Variants in OR52E5 observed in about 807,000 individuals in gnomAD.
The protein encoded by OR52E5 is olfactory receptor family 52 subfamily E member 5, also known as olfactory receptor 52E5.
At chr11:5,899,519 G>A (rs550820444) in intron 2 of OR52E5, among the ~76,000 whole-genome samples, 1 of 152,294 alleles carries the variant, frequency 6.6e-6, no homozygotes, top group East Asian at 1.9e-4. Flanking sequence ...CATAGGGATA[G>A]TTTTTCTTTA....
intron 2 of OR52E5, among the ~76,000 whole-genome samples, chr11:5,896,682 C>A (rs1197915480): frequency 1.3e-5 from 2 of 152,086 alleles, no homozygotes; most frequent in African/African-American, 4.8e-5. Context: ...AGTAATCACA[C>A]CACATGTCTA....
chr11:5,895,572 T>A (rs979345523), intron 1 of OR52E5, 60 bp from the exon 2 acceptor site: 1 of 152,226 alleles, frequency 6.6e-6, no homozygotes, highest in Non-Finnish European at 1.5e-5. Context: ...TTTTTTAATC[T>A]TTGTAAATAG....
At chr11:5,897,545 G>T (rs1847192273) in intron 2 of OR52E5, among the ~76,000 whole-genome samples, 1 of 152,184 alleles carries the variant, frequency 6.6e-6, no homozygotes, top group Admixed American at 6.5e-5. Flanking sequence ...GGACACTTAG[G>T]TTGATTTCAT....
chr11:5,893,336 TG>T (rs1847130281), intron 1 of OR52E5, 66 bp downstream of exon 1: 1 of 152,116 alleles, frequency 6.6e-6, no homozygotes, highest in Non-Finnish European at 1.5e-5. Flanking sequence ...AAGTGATTTG[TG>T]GGATGATGGA....
intron 2 of OR52E5, among the ~76,000 whole-genome samples, chr11:5,898,790 C>T (rs1049682727): frequency 6.6e-6 from 1 of 152,104 alleles, no homozygotes. Context: ...TTCTGTTCCA[C>T]TGATTTTTGT....
At position 5,901,080 on chromosome 11, in the gene OR52E5, C is replaced by A. The variant is rs78910405; in HGVS notation, c.304C>A (p.Gln102Lys). 1.6e-3 allele frequency: 659 copies of A among 401,666 alleles called. 2 individuals carry two copies. Among genetic ancestry groups the A allele is most frequent in the African/African-American group, 0.012 (605 of 48,836 alleles). The allele number at this position is 401,666 out of a possible 1,614,324, so 24.9% of individuals were successfully genotyped here. ...GEIAFGACIT[Q>K]MYTIHICTGL... Reference sequence around the variant, plus strand: ...GATTGCATTTGGTGCCTGCATCACACAGATGTATACCATTCATATATGCAC... The same window carrying A: ...GATTGCATTTGGTGCCTGCATCACAAAGATGTATACCATTCATATATGCAC... Residue 102 changes from glutamine (Q) to lysine (K), a missense_variant, in exon 3 of 3, where the codon CAG becomes AAG. Physicochemically the swap from Gln to Lys is moderately conservative, Grantham distance 53. Coordinates refer to ENST00000610445, the MANE Select transcript of OR52E5 (RefSeq NM_001005166.5).
chr11:5,898,955 GTT>G (rs1847213272), intron 2 of OR52E5, among the ~76,000 whole-genome samples: 1 of 152,064 alleles, frequency 6.6e-6, no homozygotes, highest in Non-Finnish European at 1.5e-5. Context: ...TTTTAGAATA[GTT>G]TTTTCTAATT....
At chr11:5,900,577 C>A in intron 2 of OR52E5, 55 bp from the exon 3 acceptor site, 1 of 384,246 alleles carries the variant, frequency 2.6e-6, no homozygotes, top group Middle Eastern at 6.7e-4. Context: ...GTAAGTGAGG[C>A]AAATATTTAA....
At chr11:5,897,030 G>A (rs1236751532) in intron 2 of OR52E5, among the ~76,000 whole-genome samples, 1 of 152,214 alleles carries the variant, frequency 6.6e-6, no homozygotes, top group African/African-American at 2.4e-5. Context: ...TGACAGATCG[G>A]ATGCTGGGGC....
chr11:5,896,679 ACAC>A (rs1314428884), intron 2 of OR52E5, among the ~76,000 whole-genome samples: 2 of 152,178 alleles, frequency 1.3e-5, no homozygotes, highest in East Asian at 3.8e-4. Flanking sequence ...GAAAGTAATC[ACAC>A]CACATGTCTA....
rs956430775 is a variant in OR52E5 at position 5,901,617 on chromosome 11, G to GT, written c.846dup (p.Pro283SerfsTer5). ...CATTCTTCTGGCCAATCTGTATGTG[G>GT]TTTTTCCCCCTGCTCTTAACTCTGT... is the stretch of plus-strand genomic sequence containing the variant. On this transcript the variant is annotated frameshift_variant, in exon 3 of 3. Transcript: ENST00000610445. LOFTEE classifies it low-confidence loss of function (END_TRUNC). The GT allele has an allele frequency of 3.0e-5, 12 of 401,412 alleles. No homozygotes were observed. The highest frequency in any genetic ancestry group is 1.0e-4 in the African/African-American group (5 of 48,756). 24.9% of individuals were successfully genotyped at this position (401,412 alleles called of 1,614,324 possible).
chr11:5,899,182 G>A (rs185351789), intron 2 of OR52E5, among the ~76,000 whole-genome samples: 6 of 152,088 alleles, frequency 3.9e-5, no homozygotes, highest in Admixed American at 3.9e-4. Context: ...TTTTATTATT[G>A]TGTGGCTATT....
At chr11:5,900,372 T>G (rs1036838952) in intron 2 of OR52E5, among the ~76,000 whole-genome samples, 1 of 43,534 alleles carries the variant, frequency 2.3e-5, no homozygotes, top group African/African-American at 9.7e-5. Flanking sequence ...TCCAGTGACA[T>G]TTTACACACA....
intron 2 of OR52E5, among the ~76,000 whole-genome samples, chr11:5,898,391 G>C (rs1049111417): frequency 2.6e-5 from 4 of 152,090 alleles, no homozygotes; most frequent in Non-Finnish European, 5.9e-5. Context: ...TAGGTTGTCT[G>C]TTTACTCTGT....
rs1483828245 is a variant in OR52E5, at chr11:5,901,367, A to G, written c.591A>G (p.Ile197Met). The change falls in exon 3 of 3, where the codon ATA becomes ATG. Residue 197 changes from isoleucine to methionine, a missense_variant. By Grantham distance (10) the Ile-to-Met change is conservative (BLOSUM62 1). Coordinates refer to ENST00000610445, the MANE Select transcript of OR52E5 (RefSeq NM_001005166.5). The stretch of plus-strand genomic sequence containing the variant: ...TAGCTTGTGCCAGTATTAATGTTAT[A>G]TATGGATTGATTGCCTTCTCAGTGG... The part of the protein sequence containing the change: ...AKLACASINV[I>M]YGLIAFSVGY... 6 of 401,490 alleles carry G rather than the reference A, an allele frequency of 1.5e-5. 1 individual carries two copies. Among genetic ancestry groups the G allele is most frequent in the Middle Eastern group, 3.1e-4 (1 of 3,248 alleles). 24.9% of individuals were successfully genotyped at this position (401,490 alleles called of 1,614,324 possible).
chr11:5,901,463 C>G lies in OR52E5; in HGVS notation c.687C>G (p.Ala229=), dbSNP rs1847252358. The G allele has an allele frequency of 2.5e-6, 1 of 401,606 alleles. No individual in the cohort carries two copies. The highest frequency in any genetic ancestry group is 4.4e-5 in the Admixed American group (1 of 22,714). 24.9% of individuals were successfully genotyped at this position (401,606 alleles called of 1,614,324 possible). A position where few individuals can be genotyped will look rare whatever the true frequency, so the allele number is the denominator to read the frequency against. The stretch of plus-strand genomic sequence containing the variant: ...TCCGAGCTGTCTTCCATCTCCCAGC[C>G]TGGGATGCCCGGCCTAAGGCACTCA... The part of the protein sequence containing the change: ...QILRAVFHLP[A]WDARPKALST... The change falls in exon 3 of 3, where the codon GCC becomes GCG. Residue 229 remains alanine, a synonymous_variant. Transcript: ENST00000610445.
At chr11:5,894,239 T>A (rs1327316500) in intron 1 of OR52E5, among the ~76,000 whole-genome samples, 1 of 152,130 alleles carries the variant, frequency 6.6e-6, no homozygotes, top group Non-Finnish European at 1.5e-5. Flanking sequence ...AGCATCAGAA[T>A]CACCTGGAGG....
At chr11:5,893,635 G>A (rs1847133899) in intron 1 of OR52E5, among the ~76,000 whole-genome samples, 1 of 151,994 alleles carries the variant, frequency 6.6e-6, no homozygotes, top group Admixed American at 6.6e-5. Context: ...TGTGTGGTCT[G>A]CTTTTCAAGA....
chr11:5,895,314 C>T (rs1847158973), intron 1 of OR52E5, among the ~76,000 whole-genome samples: 1 of 152,082 alleles, frequency 6.6e-6, no homozygotes, highest in Admixed American at 6.6e-5. Context: ...AATTGCATAT[C>T]ACAAAAGAAA....
Sources: gnomAD v4.1 joint callset for allele counts (sites outside exome capture counted in the v4.1 genomes callset) on GRCh38, gnomAD v4.1.1 for gene constraint, MANE v1.5 for transcripts, NCBI Gene and HGNC (gene_info 2026-07-23, HGNC 2026-07-21) for gene names.